Variants in QTMAN observed in about 807,000 individuals in gnomAD.
The protein encoded by QTMAN is tRNA-queuosine alpha-mannosyltransferase.
the QTMAN span, among the ~76,000 whole-genome samples, chr2:144,293,606 G>A: frequency 6.6e-6 from 1 of 152,176 alleles, no homozygotes; most frequent in African/African-American, 2.4e-5. Context: ...ACTGAACTAA[G>A]TAAAGACTCC....
At chr2:144,167,618 T>C in the QTMAN span, among the ~76,000 whole-genome samples, 2 of 152,066 alleles carry the variant, frequency 1.3e-5, no homozygotes, top group African/African-American at 4.8e-5. Context: ...TTTCCTCTGC[T>C]TGCACTTACT....
chr2:144,042,584 T>C, the QTMAN span, among the ~76,000 whole-genome samples: 9 of 151,224 alleles, frequency 6.0e-5, no homozygotes, highest in African/African-American at 2.2e-4. Context: ...TGAAACCCAG[T>C]TTCTACAAAA....
the QTMAN span, among the ~76,000 whole-genome samples, chr2:144,031,546 A>T: frequency 2.6e-5 from 4 of 152,142 alleles, no homozygotes; most frequent in African/African-American, 9.7e-5. Flanking sequence ...ACTCAGATAC[A>T]ATCATAAAAC....
the QTMAN span, among the ~76,000 whole-genome samples, chr2:144,249,625 T>TA: frequency 6.6e-6 from 1 of 152,198 alleles, no homozygotes; most frequent in African/African-American, 2.4e-5. Context: ...TTCAAATTGT[T>TA]AATCAACATT....
the QTMAN span, chr2:144,332,435 T>TCACCTC: frequency 1.4e-5 from 2 of 147,084 alleles, no homozygotes; most frequent in African/African-American, 4.9e-5. Flanking sequence ...CGGAGCCTAC[T>TCACCTC]CACCTCCTCC....
At chr2:143,961,713 CTTAA>C in the QTMAN span, among the ~76,000 whole-genome samples, 1 of 152,052 alleles carries the variant, frequency 6.6e-6, no homozygotes, top group Non-Finnish European at 1.5e-5. Flanking sequence ...ATGATCTTGC[CTTAA>C]GAGTGGCAAT....
the QTMAN span, among the ~76,000 whole-genome samples, chr2:144,203,414 T>C: frequency 3.9e-5 from 6 of 152,094 alleles, no homozygotes; most frequent in African/African-American, 1.4e-4. Context: ...GATGAAATAC[T>C]GTGGAAGAAG....
the QTMAN span, among the ~76,000 whole-genome samples, chr2:144,268,440 C>A: frequency 1.3e-5 from 2 of 152,182 alleles, no homozygotes; most frequent in African/African-American, 4.8e-5. Flanking sequence ...ATGAATGGGG[C>A]TAGTGCCCTT....
chr2:144,231,120 T>C, the QTMAN span, among the ~76,000 whole-genome samples: 2 of 152,124 alleles, frequency 1.3e-5, no homozygotes, highest in East Asian at 3.9e-4. Context: ...ACAACTGAAT[T>C]AACATGTACT....
At chr2:144,193,928 CTAT>C in the QTMAN span, among the ~76,000 whole-genome samples, 1 of 152,158 alleles carries the variant, frequency 6.6e-6, no homozygotes, top group Non-Finnish European at 1.5e-5. Context: ...AATATTCCCT[CTAT>C]TATTTCTTCC....
At chr2:143,956,247 C>T in the QTMAN span, among the ~76,000 whole-genome samples, 1 of 152,102 alleles carries the variant, frequency 6.6e-6, no homozygotes, top group African/African-American at 2.4e-5. Flanking sequence ...AAGATTCTAA[C>T]AATTTTTGGT....
the QTMAN span, among the ~76,000 whole-genome samples, chr2:144,044,765 C>T: frequency 6.6e-6 from 1 of 151,976 alleles, no homozygotes; most frequent in Non-Finnish European, 1.5e-5. Context: ...TGAACAAAGG[C>T]AAAATAAATG....
the QTMAN span, among the ~76,000 whole-genome samples, chr2:144,078,614 T>A: frequency 6.6e-6 from 1 of 152,166 alleles, no homozygotes; most frequent in Non-Finnish European, 1.5e-5. Context: ...CCTCTTACAA[T>A]TCATAGTAAA....
chr2:144,242,308 G>GA, the QTMAN span, among the ~76,000 whole-genome samples: 45 of 149,244 alleles, frequency 3.0e-4, no homozygotes, highest in African/African-American at 4.4e-4. Flanking sequence ...GGGTTATGCT[G>GA]AAAAAAAAAC....
At chr2:143,944,966 T>G in the QTMAN span, 1 of 152,058 alleles carries the variant, frequency 6.6e-6, no homozygotes, top group East Asian at 1.9e-4. Flanking sequence ...TGGGTACTAG[T>G]TGTGTGTGGA....
the QTMAN span, among the ~76,000 whole-genome samples, chr2:144,108,085 G>C: frequency 6.6e-6 from 1 of 152,076 alleles, no homozygotes; most frequent in Admixed American, 6.5e-5. Flanking sequence ...CGATAAATTA[G>C]GTATTGACGG....
At chr2:144,179,315 TA>T in the QTMAN span, among the ~76,000 whole-genome samples, 2 of 152,158 alleles carry the variant, frequency 1.3e-5, no homozygotes, top group Admixed American at 1.3e-4. Flanking sequence ...ACAAATAACT[TA>T]ATCTCTCAGT....
At chr2:144,248,691 C>T in the QTMAN span, among the ~76,000 whole-genome samples, 1 of 151,614 alleles carries the variant, frequency 6.6e-6, no homozygotes, top group African/African-American at 2.4e-5. Flanking sequence ...CTTCTGAAGA[C>T]AATCCCCTAA....
chr2:144,167,761 C>G, the QTMAN span, among the ~76,000 whole-genome samples: 3 of 152,132 alleles, frequency 2.0e-5, no homozygotes, highest in Non-Finnish European at 4.4e-5. Flanking sequence ...AATTACCCAG[C>G]CTTCGGTATT....
Sources: allele counts gnomAD v4.1 joint callset (sites outside exome capture counted in the v4.1 genomes callset), GRCh38; gene constraint gnomAD v4.1.1; transcripts MANE v1.5; gene names NCBI Gene and HGNC (gene_info 2026-07-23, HGNC 2026-07-21).